Variants in ZNF804A observed in about 807,000 individuals in gnomAD.
ZNF804A encodes zinc finger protein 804A.
A neutral mutation model predicts 16.5 loss-of-function variants in ZNF804A; 2 were observed. That is an observed-to-expected ratio of 0.12 (90% CI 0.05 to 0.38). The LOEUF (loss-of-function observed/expected upper bound fraction) is 0.38. ZNF804A is among the 10% of genes least tolerant of loss of function. ZNF804A has a pLI of 0.99. For synonymous variants in ZNF804A, 534 were observed against 489.6 expected, an observed-to-expected ratio of 1.09 and a Z score of -1.20; for missense variants, 1,473 against 1,390.7, an observed-to-expected ratio of 1.06 and a Z score of -0.94.
intron 2 of ZNF804A, among the ~76,000 whole-genome samples, chr2:184,872,281 A>T (rs1033841270): frequency 1.3e-5 from 2 of 152,102 alleles, no homozygotes; most frequent in Non-Finnish European, 2.9e-5. Context: ...TCTTTTTAGG[A>T]TTATAGATAA....
At chr2:184,842,541 A>T (rs1255940055) in intron 1 of ZNF804A, among the ~76,000 whole-genome samples, 1 of 151,820 alleles carries the variant, frequency 6.6e-6, no homozygotes, top group Non-Finnish European at 1.5e-5. Context: ...AAGGAAATTT[A>T]TGATTTTAGG....
At chr2:184,892,825 C>G (rs959717280) in intron 2 of ZNF804A, among the ~76,000 whole-genome samples, 18 of 152,186 alleles carry the variant, frequency 1.2e-4, no homozygotes, top group Middle Eastern at 3.4e-3. Context: ...AACCTGACGT[C>G]CTTACCTCAT....
At chr2:184,684,573 A>G (rs1237944757) in intron 1 of ZNF804A, among the ~76,000 whole-genome samples, 2 of 152,124 alleles carry the variant, frequency 1.3e-5, no homozygotes, top group Non-Finnish European at 2.9e-5. Flanking sequence ...CTTTTTTATT[A>G]AATGTAAACT....
chr2:184,796,942 T>C (rs924506246), intron 1 of ZNF804A, among the ~76,000 whole-genome samples: 1 of 152,110 alleles, frequency 6.6e-6, no homozygotes, highest in Non-Finnish European at 1.5e-5. Flanking sequence ...GTTTTGAATA[T>C]TTTTTTGAGG....
rs371929811 is a variant in ZNF804A, at chr2:184,749,587, A to G, written c.112-116782A>G. 8.6e-5 allele frequency among the ~76,000 whole-genome samples: 13 copies of G among 150,938 alleles called. No homozygotes were observed. In the East Asian group the frequency reaches 1.4e-3, roughly 16 times the overall value. ...TTTTATTTCTTTCTCTTGCCTCATT[A>G]CTCTGGCGAGGGATTCTACATCTAA... On this transcript the variant is annotated intron_variant, in intron 1 of 3. Transcript: ENST00000302277.
intron 1 of ZNF804A, among the ~76,000 whole-genome samples, chr2:184,858,503 CAA>C (rs61600757): frequency 2.9e-4 from 24 of 83,976 alleles, no homozygotes; most frequent in East Asian, 7.2e-4. Flanking sequence ...GACTCTGTCT[CAA>C]AAAAAAAAAA....
intron 1 of ZNF804A, among the ~76,000 whole-genome samples, chr2:184,683,893 C>T (rs1329386205): frequency 6.6e-6 from 1 of 151,964 alleles, no homozygotes; most frequent in Admixed American, 6.6e-5. Context: ...TAATTGGGGC[C>T]TCATTATTGT....
At chr2:184,665,745 T>C (rs1436100233) in intron 1 of ZNF804A, among the ~76,000 whole-genome samples, 1 of 152,218 alleles carries the variant, frequency 6.6e-6, no homozygotes. Flanking sequence ...ATTTTCTTGT[T>C]GACAGGCCCC....
intron 1 of ZNF804A, among the ~76,000 whole-genome samples, chr2:184,787,955 T>C (rs372144120): frequency 5.9e-5 from 9 of 152,106 alleles, no homozygotes; most frequent in African/African-American, 2.2e-4. Context: ...GGTTTTATTT[T>C]AACATTTTTA....
intron 1 of ZNF804A, among the ~76,000 whole-genome samples, chr2:184,823,113 GC>G (rs1401913824): frequency 6.6e-6 from 1 of 152,034 alleles, no homozygotes; most frequent in Non-Finnish European, 1.5e-5. Context: ...TCAAACTCTA[GC>G]AGGTTTGGTA....
chr2:184,840,328 G>T (rs753608310), intron 1 of ZNF804A, among the ~76,000 whole-genome samples: 1 of 152,044 alleles, frequency 6.6e-6, no homozygotes, highest in African/African-American at 2.4e-5. Context: ...ATGATGCAGC[G>T]AGCTGAGATC....
chr2:184,826,817 A>G (rs987730362), intron 1 of ZNF804A, among the ~76,000 whole-genome samples: 3 of 152,122 alleles, frequency 2.0e-5, no homozygotes, highest in Non-Finnish European at 2.9e-5. Context: ...ATATTTTTAT[A>G]TAGTAACAGC....
At chr2:184,914,649 A>C (rs1024340043) in intron 2 of ZNF804A, among the ~76,000 whole-genome samples, 2 of 152,172 alleles carry the variant, frequency 1.3e-5, no homozygotes, top group Non-Finnish European at 2.9e-5. Flanking sequence ...AACACTTGCT[A>C]AACTGTTACA....
In ZNF804A at chr2:184,936,065, C is replaced by G. The variant is rs148931756; in HGVS notation, c.669C>G (p.Ser223=). The change falls in exon 4 of 4, where the codon TCC becomes TCG. Residue 223 remains serine (S), a synonymous_variant. Transcript: ENST00000302277. ...GFSFAFPKKA[S]VKLESSAAAF... ...CTTTTGCATTTCCAAAGAAAGCGTC[C>G]GTGAAGCTAGAGTCCTCAGCTGCAG... 22 of 1,613,818 alleles carry G rather than the reference C, an allele frequency of 1.4e-5. No individual in the cohort carries two copies. Among genetic ancestry groups the G allele is most frequent in the East Asian group, 2.2e-5 (1 of 44,844 alleles).
rs149551733 is a variant in ZNF804A at position 184,937,912 on chromosome 2, A to G, written c.2516A>G (p.Asn839Ser). 15 of 1,614,142 alleles carry G rather than the reference A, an allele frequency of 9.3e-6. No individual in the cohort carries two copies. The African/African-American group carries it at 1.9e-4, about 20-fold the overall frequency. Reference protein sequence around the residue: ...KENTDYPVKDNSSLNPLDRLI... With the variant: ...KENTDYPVKDSSSLNPLDRLI... ...AATACAGATTATCCCGTGAAAGACA[A>G]TTCTTCCTTAAATCCTCTGGATAGG... Residue 839 changes from asparagine to serine, a missense_variant, in exon 4 of 4, where the codon AAT becomes AGT. Coordinates refer to ENST00000302277, the MANE Select transcript of ZNF804A (RefSeq NM_194250.2).
intron 1 of ZNF804A, among the ~76,000 whole-genome samples, chr2:184,679,313 C>T (rs1186887666): frequency 6.6e-5 from 10 of 152,192 alleles, no homozygotes; most frequent in African/African-American, 2.2e-4. Flanking sequence ...TGGGTCATTG[C>T]GATGGCAGCG....
Position 184,829,125 on chromosome 2 carries a change from ATATAT to A in ZNF804A, c.112-37240_112-37236del, listed in dbSNP as rs200318785. Among the ~76,000 whole-genome samples, 287 of 151,846 alleles carry A rather than the reference ATATAT, an allele frequency of 1.9e-3. 1 individual carries two copies. The highest frequency in any genetic ancestry group is 6.6e-3 in the African/African-American group (274 of 41,516). On this transcript the variant is annotated intron_variant, in intron 1 of 3. Coordinates refer to ENST00000302277, the MANE Select transcript of ZNF804A (RefSeq NM_194250.2). The stretch of plus-strand genomic sequence containing the variant: ...GTAAATGCACTTTATCACATGTATC[ATATAT>A]TATTTATTATACATAATCTAAATCT...
intron 1 of ZNF804A, among the ~76,000 whole-genome samples, chr2:184,728,897 A>G (rs1444153228): frequency 6.6e-6 from 1 of 151,920 alleles, no homozygotes; most frequent in Non-Finnish European, 1.5e-5. Context: ...AACAACATGG[A>G]TGAACCTGGA....
intron 1 of ZNF804A, among the ~76,000 whole-genome samples, chr2:184,770,576 G>T (rs1167712247): frequency 7.6e-6 from 1 of 132,108 alleles, no homozygotes; most frequent in Non-Finnish European, 1.5e-5. Context: ...ATGAAAGCTG[G>T]GTATATAGGT....
Sources: gnomAD v4.1 joint callset for allele counts (sites outside exome capture counted in the v4.1 genomes callset) on GRCh38, gnomAD v4.1.1 for gene constraint, MANE v1.5 for transcripts, NCBI Gene and HGNC (gene_info 2026-07-23, HGNC 2026-07-21) for gene names.